The following PHB1 variants were observed in gnomAD, a reference collection of about 807,000 sequenced individuals.
PHB1 encodes prohibitin 1.
At chr17:49,405,291 C>A in the PHB1 span, 1 of 1,130,654 alleles carries the variant, frequency 8.8e-7, no homozygotes, top group Non-Finnish European at 1.3e-6. Flanking sequence ...AGAAAGCCAC[C>A]TTCCCAGGCT....
the PHB1 span, chr17:49,413,406 A>T: frequency 6.2e-6 from 4 of 643,816 alleles, no homozygotes; most frequent in Non-Finnish European, 1.1e-5. Flanking sequence ...CATTCCTGAA[A>T]GTGCTAAATC....
At chr17:49,412,309 TA>T in the PHB1 span, 1 of 162,024 alleles carries the variant, frequency 6.2e-6, no homozygotes, top group Non-Finnish European at 1.4e-5. Flanking sequence ...TCTGTTTCGC[TA>T]AAGTTTTAAG....
At chr17:49,414,141 G>C in the PHB1 span, 3 of 152,206 alleles carry the variant, frequency 2.0e-5, no homozygotes, top group Non-Finnish European at 4.4e-5. Flanking sequence ...AGAGGAAACA[G>C]AGGCACACAG....
chr17:49,413,178 A>G, the PHB1 span: 1 of 1,609,844 alleles, frequency 6.2e-7, no homozygotes, highest in Admixed American at 1.7e-5. Flanking sequence ...ATGCCTCACC[A>G]TTATATAAGG....
the PHB1 span, chr17:49,404,779 G>A: frequency 1.0e-5 from 6 of 580,152 alleles, no homozygotes; most frequent in Non-Finnish European, 1.5e-5. Flanking sequence ...GTAGGGAGGT[G>A]GATAAAAAAG....
At chr17:49,413,585 T>C in the PHB1 span, among the ~76,000 whole-genome samples, 1 of 150,902 alleles carries the variant, frequency 6.6e-6, no homozygotes, top group African/African-American at 2.4e-5. Context: ...CTCAGCTCAC[T>C]GAAGCCTCGA....
At chr17:49,409,238 T>A in the PHB1 span, 28 of 1,581,634 alleles carry the variant, frequency 1.8e-5, no homozygotes, top group Non-Finnish European at 2.3e-5. Context: ...AGCAGCCACA[T>A]CCCAACCAAC....
At chr17:49,411,628 A>G in the PHB1 span, 1 of 1,526,908 alleles carries the variant, frequency 6.5e-7, no homozygotes, top group Non-Finnish European at 9.0e-7. Flanking sequence ...AGAAGAACAG[A>G]GCACCTCTTC....
chr17:49,413,058 C>T, the PHB1 span: 417 of 729,366 alleles, frequency 5.7e-4, 7 homozygotes, highest in South Asian at 6.4e-3. Flanking sequence ...GAGGTGAGCC[C>T]TCTTGGCCAC....
chr17:49,414,214 A>G, the PHB1 span: 2 of 152,136 alleles, frequency 1.3e-5, no homozygotes, highest in Non-Finnish European at 2.9e-5. Context: ...TAGAACCCAG[A>G]GGTCTAATGC....
At chr17:49,409,566 G>A in the PHB1 span, 9 of 1,065,090 alleles carry the variant, frequency 8.4e-6, no homozygotes, top group Admixed American at 2.0e-4. Context: ...TTTGAGACAG[G>A]TTTTTGCTCT....
chr17:49,411,896 G>C, the PHB1 span: 8 of 1,533,944 alleles, frequency 5.2e-6, no homozygotes, highest in Non-Finnish European at 7.1e-6. Context: ...TAAACAAAAG[G>C]ATCATGTCTT....
the PHB1 span, among the ~76,000 whole-genome samples, chr17:49,410,888 T>C: frequency 6.6e-6 from 1 of 152,254 alleles, no homozygotes. Context: ...TCCTATGTTC[T>C]GCTTCTCATT....
the PHB1 span, chr17:49,405,192 T>C: frequency 6.2e-7 from 1 of 1,613,946 alleles, no homozygotes. Context: ...GCCGCCTTTT[T>C]CTGTTGCTCA....
At chr17:49,412,822 C>G in the PHB1 span, 1 of 193,520 alleles carries the variant, frequency 5.2e-6, no homozygotes, top group Non-Finnish European at 1.1e-5. Flanking sequence ...CACATGCAAG[C>G]AGAGGAGAAC....
At chr17:49,412,182 G>A in the PHB1 span, 20 of 215,614 alleles carry the variant, frequency 9.3e-5, no homozygotes, top group Admixed American at 2.1e-4. Flanking sequence ...AACTCAGTGA[G>A]GTCTTCCCAG....
At chr17:49,413,716 C>A in the PHB1 span, among the ~76,000 whole-genome samples, 1 of 152,134 alleles carries the variant, frequency 6.6e-6, no homozygotes, top group South Asian at 2.1e-4. Context: ...TGCTACGTTG[C>A]CCCAGGTGGT....
the PHB1 span, among the ~76,000 whole-genome samples, chr17:49,405,914 C>A: frequency 6.6e-6 from 1 of 152,340 alleles, no homozygotes; most frequent in Non-Finnish European, 1.5e-5. Context: ...ATCTCCTAGG[C>A]TTGCCCTACC....
the PHB1 span, among the ~76,000 whole-genome samples, chr17:49,408,297 C>T: frequency 6.6e-6 from 1 of 152,206 alleles, no homozygotes; most frequent in African/African-American, 2.4e-5. Flanking sequence ...GAGGCAGTGC[C>T]TTTCCCTAGC....
Sources: allele counts gnomAD v4.1 joint callset (sites outside exome capture counted in the v4.1 genomes callset), GRCh38; gene constraint gnomAD v4.1.1; transcripts MANE v1.5; gene names NCBI Gene and HGNC (gene_info 2026-07-23, HGNC 2026-07-21).